Variants in WIPF3 observed in about 807,000 individuals in gnomAD.
WIPF3 encodes WAS/WASL-interacting protein family member 3.
Under a neutral mutation model 38.9 loss-of-function variants are expected in WIPF3, and 33 were observed. The observed-to-expected ratio is 0.85, with a 90% CI of 0.64 to 1.14. The LOEUF (loss-of-function observed/expected upper bound fraction) is 1.14, where lower values mean the gene tolerates loss of function less well. Ranked by LOEUF, WIPF3 falls within the 50% of genes most tolerant of loss-of-function variation. The pLI is 0.00. For missense variants in WIPF3, 711 were observed against 652.5 expected (o/e 1.09, Z -0.98); for synonymous variants, 324 against 269.3 (o/e 1.20, Z -1.99).
Position 29,817,926 on chromosome 7 carries a change from C to T in WIPF3, c.-58+11248C>T, listed in dbSNP as rs541355112. Among the ~76,000 whole-genome samples the T allele has an allele frequency of 2.6e-5, 4 of 152,174 alleles. No homozygotes were observed. In the South Asian group the frequency reaches 8.3e-4, roughly 32 times the overall value. On this transcript the variant is annotated intron_variant, in intron 1 of 8. Coordinates refer to ENST00000242140, the MANE Select transcript of WIPF3 (RefSeq NM_001080529.3). ...TGATATTTAGTCTTCCTACCCAAGA[C>T]TATAGTGTGTTTTTCCACGTCTTCA...
At chr7:29,866,276 C>A (rs10155888) in intron 2 of WIPF3, among the ~76,000 whole-genome samples, 1,630 of 152,320 alleles carry the variant, frequency 0.011, 34 homozygotes, top group African/African-American at 0.038. Flanking sequence ...TTTTCATTAC[C>A]TTTGTCTCCT....
intron 8 of WIPF3, chr7:29,905,942 C>G (rs1786388378): frequency 6.6e-6 from 1 of 152,032 alleles, no homozygotes; most frequent in Non-Finnish European, 1.5e-5. Context: ...AAGGCACAGG[C>G]TCAGAAAAGA....
At chr7:29,815,020 G>A (rs1026548815) in intron 1 of WIPF3, among the ~76,000 whole-genome samples, 4 of 152,142 alleles carry the variant, frequency 2.6e-5, no homozygotes, top group Non-Finnish European at 1.5e-5. Context: ...AATAGGAGTC[G>A]ATTTTAAGTC....
chr7:29,821,399 A>G (rs1193998595), intron 1 of WIPF3, among the ~76,000 whole-genome samples: 1 of 152,118 alleles, frequency 6.6e-6, no homozygotes, highest in African/African-American at 2.4e-5. Context: ...GCCTCAAGCA[A>G]TCCTCCCATC....
intron 2 of WIPF3, among the ~76,000 whole-genome samples, chr7:29,847,222 C>T (rs963031454): frequency 1.3e-5 from 2 of 152,086 alleles, no homozygotes. Context: ...GATCTTGGAC[C>T]GACATGTTCA....
At chr7:29,817,604 T>C (rs920110380) in intron 1 of WIPF3, among the ~76,000 whole-genome samples, 1 of 152,150 alleles carries the variant, frequency 6.6e-6, no homozygotes, top group African/African-American at 2.4e-5. Context: ...GAATAACTTA[T>C]CTTTTCCCCA....
At chr7:29,903,700 G>GAAA (rs11358990) in intron 7 of WIPF3, among the ~76,000 whole-genome samples, 1 of 150,620 alleles carries the variant, frequency 6.6e-6, no homozygotes, top group East Asian at 1.9e-4. Flanking sequence ...ATACCAAAAA[G>GAAA]AAAAAAAAAA....
At chr7:29,891,208 A>C (rs372505233) in intron 7 of WIPF3, among the ~76,000 whole-genome samples, 12 of 41,174 alleles carry the variant, frequency 2.9e-4, no homozygotes, top group African/African-American at 4.9e-4. Flanking sequence ...GGAGGGGGCG[A>C]GGGCCTGCCC....
intron 2 of WIPF3, among the ~76,000 whole-genome samples, chr7:29,846,181 A>G (rs1486137911): frequency 6.6e-6 from 1 of 152,244 alleles, no homozygotes; most frequent in Non-Finnish European, 1.5e-5. Context: ...ATCTTTTGGC[A>G]CAGCCTTTCT....
intron 7 of WIPF3, 79 bp from the exon 8 acceptor site, chr7:29,904,207 T>A (rs1458751882): frequency 7.8e-6 from 11 of 1,415,260 alleles, no homozygotes; most frequent in Admixed American, 3.5e-5. Flanking sequence ...AAGTGCTGAT[T>A]TAGAGAAAGT....
chr7:29,851,830 AG>A (rs369577559), intron 2 of WIPF3, among the ~76,000 whole-genome samples: 14 of 152,284 alleles, frequency 9.2e-5, no homozygotes, highest in African/African-American at 3.4e-4. Context: ...TTCACCCTTC[AG>A]GCCCCACAGT....
intron 2 of WIPF3, among the ~76,000 whole-genome samples, chr7:29,841,899 A>G (rs535404603): frequency 8.5e-5 from 13 of 152,244 alleles, no homozygotes; most frequent in Non-Finnish European, 1.5e-4. Context: ...TGCTTTACTT[A>G]TAAGATGTAA....
chr7:29,862,906 C>A (rs1253259751), intron 2 of WIPF3, among the ~76,000 whole-genome samples: 3 of 152,142 alleles, frequency 2.0e-5, no homozygotes, highest in African/African-American at 7.2e-5. Context: ...AAATAATACA[C>A]TGAAGCCTCT....
At chr7:29,871,806 A>G (rs541456996) in intron 2 of WIPF3, among the ~76,000 whole-genome samples, 3 of 152,224 alleles carry the variant, frequency 2.0e-5, no homozygotes, top group Non-Finnish European at 2.9e-5. Flanking sequence ...CTGTTGTTCA[A>G]TTTTTGTATT....
At chr7:29,829,050 G>T (rs1784674047) in intron 1 of WIPF3, among the ~76,000 whole-genome samples, 1 of 152,052 alleles carries the variant, frequency 6.6e-6, no homozygotes, top group Non-Finnish European at 1.5e-5. Flanking sequence ...TGCTGCTCCT[G>T]CTTACTAGAA....
At chr7:29,894,143 C>T (rs1786084037) in intron 7 of WIPF3, among the ~76,000 whole-genome samples, 1 of 152,208 alleles carries the variant, frequency 6.6e-6, no homozygotes, top group South Asian at 2.1e-4. Context: ...AAACCTCTTT[C>T]TGCTCTTCAG....
chr7:29,892,509 G>A (rs1226903729), intron 7 of WIPF3, among the ~76,000 whole-genome samples: 1 of 152,222 alleles, frequency 6.6e-6, no homozygotes, highest in Admixed American at 6.5e-5. Flanking sequence ...ACCCTGCAGT[G>A]GATGCTGTGG....
intron 1 of WIPF3, among the ~76,000 whole-genome samples, chr7:29,824,781 G>A (rs1784590892): frequency 6.6e-6 from 1 of 152,134 alleles, no homozygotes; most frequent in Non-Finnish European, 1.5e-5. Context: ...GGCTGCCTCA[G>A]GAAGGAATCT....
At chr7:29,871,758 T>A (rs888418988) in intron 2 of WIPF3, among the ~76,000 whole-genome samples, 3 of 152,180 alleles carry the variant, frequency 2.0e-5, no homozygotes, top group Admixed American at 6.5e-5. Context: ...AAAAGGCCCC[T>A]CCGTATTTTT....
Sources: allele counts gnomAD v4.1 joint callset (sites outside exome capture counted in the v4.1 genomes callset), GRCh38; gene constraint gnomAD v4.1.1; transcripts MANE v1.5; gene names NCBI Gene and HGNC (gene_info 2026-07-23, HGNC 2026-07-21).